Variants in ANKS1B observed in about 807,000 individuals in gnomAD.
ANKS1B encodes ankyrin repeat and sterile alpha motif domain-containing protein 1B.
Under a neutral mutation model 148.3 loss-of-function variants are expected in ANKS1B, and 36 were observed. That is an observed-to-expected ratio of 0.24 (90% CI 0.19 to 0.32). The LOEUF (loss-of-function observed/expected upper bound fraction) is 0.32. ANKS1B is among the 10% of genes least tolerant of loss of function. The pLI, the probability that ANKS1B is intolerant of heterozygous loss-of-function variation, is 1.00. For synonymous variants in ANKS1B, 542 were observed against 560.8 expected (o/e 0.97, Z 0.47); for missense variants, 1,157 against 1,542.6 (o/e 0.75, Z 4.19).
intron 17 of ANKS1B, among the ~76,000 whole-genome samples, chr12:98,862,554 G>A (rs1406605645): frequency 3.3e-5 from 5 of 152,118 alleles, no homozygotes; most frequent in Non-Finnish European, 7.4e-5. Flanking sequence ...AACACACCAT[G>A]AGAATATGAA....
At chr12:99,671,789 T>G (rs766882932) in intron 8 of ANKS1B, among the ~76,000 whole-genome samples, 1 of 152,268 alleles carries the variant, frequency 6.6e-6, no homozygotes, top group South Asian at 2.1e-4. Context: ...TAAAGTAGTA[T>G]GTGGTACTAC....
At chr12:99,303,851 C>T (rs576852667) in intron 12 of ANKS1B, among the ~76,000 whole-genome samples, 1 of 152,264 alleles carries the variant, frequency 6.6e-6, no homozygotes, top group East Asian at 1.9e-4. Context: ...CATAGCTTAG[C>T]TCCCACATAT....
At chr12:98,938,849 T>C (rs2099827945) in intron 17 of ANKS1B, among the ~76,000 whole-genome samples, 1 of 152,094 alleles carries the variant, frequency 6.6e-6, no homozygotes, top group Admixed American at 6.5e-5. Flanking sequence ...ACTATGGGGG[T>C]TGGGCAACGT....
chr12:99,640,856 G>T (rs1279865210), intron 9 of ANKS1B, among the ~76,000 whole-genome samples: 1 of 152,142 alleles, frequency 6.6e-6, no homozygotes. Flanking sequence ...GTGCCATAAG[G>T]AGTCATTACG....
rs376492610 is a variant in ANKS1B, at chr12:98,735,509, A to ACAT, written c.*48_*50dup. ...CTAAAGTGAAGGATTCAAGCTAAAT[A>ACAT]CATCAACCTTTCTATTTAGGCTTTA... On this transcript the variant is annotated 3_prime_UTR_variant, in exon 10 of 10. Coordinates refer to the ANKS1B transcript ENST00000341752. 48 of 679,750 alleles carry ACAT rather than the reference A, an allele frequency of 7.1e-5. No individual in the cohort carries two copies. The African/African-American group carries it at 7.8e-4, about 11-fold the overall frequency. The allele number at this position is 679,750 out of a possible 1,614,324, so 42.1% of individuals were successfully genotyped here.
intron 1 of ANKS1B, among the ~76,000 whole-genome samples, chr12:99,939,543 T>G (rs893531235): frequency 2.0e-5 from 3 of 152,166 alleles, no homozygotes; most frequent in Admixed American, 6.5e-5. Context: ...ATGAAGGTTC[T>G]TTCCATTGTT....
At chr12:98,815,886 T>G (rs902232547) in intron 19 of ANKS1B, among the ~76,000 whole-genome samples, 5 of 152,158 alleles carry the variant, frequency 3.3e-5, no homozygotes, top group African/African-American at 9.7e-5. Flanking sequence ...GTATCTCTTC[T>G]CAGTACTACA....
intron 12 of ANKS1B, among the ~76,000 whole-genome samples, chr12:99,270,865 A>C (rs2076964184): frequency 6.6e-6 from 1 of 152,238 alleles, no homozygotes; most frequent in South Asian, 2.1e-4. Context: ...TAGTTTTTAA[A>C]ATTTATTTTA....
intron 12 of ANKS1B, among the ~76,000 whole-genome samples, chr12:99,368,198 T>TG: frequency 6.6e-6 from 1 of 152,148 alleles, no homozygotes; most frequent in South Asian, 2.1e-4. Flanking sequence ...AATGTAAAGA[T>TG]GGGAACAACA....
At chr12:99,250,435 T>A (rs563069784) in intron 12 of ANKS1B, among the ~76,000 whole-genome samples, 1 of 152,074 alleles carries the variant, frequency 6.6e-6, no homozygotes, top group Admixed American at 6.6e-5. Flanking sequence ...AAAATAAAAA[T>A]ACACAAATAA....
intron 10 of ANKS1B, among the ~76,000 whole-genome samples, chr12:99,457,927 A>C (rs2095874031): frequency 6.6e-6 from 1 of 152,038 alleles, no homozygotes; most frequent in African/African-American, 2.4e-5. Flanking sequence ...GGATATTTAC[A>C]GAACAGATAT....
intron 8 of ANKS1B, among the ~76,000 whole-genome samples, chr12:99,717,752 C>T (rs2057528348): frequency 1.3e-5 from 2 of 151,876 alleles, no homozygotes; most frequent in African/African-American, 4.8e-5. Context: ...AGTCCGTCCC[C>T]TTCTTAATCA....
rs574519102 is a variant in ANKS1B, at chr12:99,878,248, G to A, written c.135-52859C>T. 1.1e-3 allele frequency among the ~76,000 whole-genome samples: 174 copies of A among 152,266 alleles called. No homozygotes were observed. In the Middle Eastern group the frequency reaches 0.02, roughly 18 times the overall value. ...AGGTTTCAAATGAGAAAAAGTAGAAGAGAAAGGAGAAGATTCAACAGATTT... is the reference window on the plus strand; with the variant it reads ...AGGTTTCAAATGAGAAAAAGTAGAAAAGAAAGGAGAAGATTCAACAGATTT... On this transcript the variant is annotated intron_variant, in intron 1 of 26. Transcript: ENST00000683438.
rs1004902042 is a variant in ANKS1B, at chr12:99,246,456, A to G, written c.2165T>C (p.Leu722Ser). 5.0e-6 allele frequency: 8 copies of G among 1,613,786 alleles called. No homozygotes were observed. Among genetic ancestry groups the G allele is most frequent in the Non-Finnish European group, 5.9e-6 (7 of 1,179,876 alleles). The part of the protein sequence containing the change: ...RACTLGRIRS[L>S]PKALIDMHLS... ...ATGCATGTCGATCAAGGCTTTAGGC[A>G]ATGACCTTATTCTCCCCAGAGTACA... The change falls in exon 13 of 27, where the codon TTG (leucine) becomes TCG (serine). Residue 722 changes from leucine (L) to serine (S), a missense_variant. By Grantham distance (145) the Leu-to-Ser change is moderately radical. Transcript: ENST00000683438.
chr12:99,011,532 A>G (rs1209171436), intron 17 of ANKS1B, among the ~76,000 whole-genome samples: 1 of 152,212 alleles, frequency 6.6e-6, no homozygotes, highest in African/African-American at 2.4e-5. Context: ...TCTGGCTATA[A>G]AGAAAAGGCT....
At chr12:99,294,570 G>A (rs1248856744) in intron 12 of ANKS1B, among the ~76,000 whole-genome samples, 1 of 152,114 alleles carries the variant, frequency 6.6e-6, no homozygotes, top group Admixed American at 6.6e-5. Flanking sequence ...ATGGTTAGCG[G>A]ATACAAAAAT....
At chr12:99,509,731 T>C (rs546680695) in intron 9 of ANKS1B, among the ~76,000 whole-genome samples, 50 of 152,070 alleles carry the variant, frequency 3.3e-4, no homozygotes, top group Non-Finnish European at 6.0e-4. Flanking sequence ...GCTAAGACAA[T>C]TGATGAAGGT....
At chr12:98,980,277 T>G (rs2099907471) in intron 17 of ANKS1B, among the ~76,000 whole-genome samples, 1 of 152,216 alleles carries the variant, frequency 6.6e-6, no homozygotes. Context: ...CTCGGCTCAC[T>G]GCAAGCTCCG....
At chr12:98,916,898 T>TTA (rs2099795091) in intron 17 of ANKS1B, among the ~76,000 whole-genome samples, 1 of 152,178 alleles carries the variant, frequency 6.6e-6, no homozygotes, top group African/African-American at 2.4e-5. Flanking sequence ...TGTGTCTTTA[T>TTA]TATATATAAG....
Sources: allele counts gnomAD v4.1 joint callset (sites outside exome capture counted in the v4.1 genomes callset), GRCh38; gene constraint gnomAD v4.1.1; transcripts MANE v1.5; gene names NCBI Gene and HGNC (gene_info 2026-07-23, HGNC 2026-07-21).